The following LMX1A variants were observed in gnomAD, a reference collection of about 807,000 sequenced individuals.
LMX1A encodes LIM homeobox transcription factor 1 alpha.
A neutral mutation model predicts 49.1 loss-of-function variants in LMX1A; 15 were observed. The observed-to-expected ratio is 0.31, with a 90% CI of 0.20 to 0.47. The LOEUF (loss-of-function observed/expected upper bound fraction) is 0.47. Among genes scored for constraint, LMX1A ranks in the 20% least tolerant of loss-of-function variants. LMX1A has a pLI of 1.00. For synonymous variants in LMX1A, 167 were observed against 185.7 expected (o/e 0.90, Z 0.82); for missense variants, 372 against 475.8 (o/e 0.78, Z 2.03).
At chr1:165,334,872 C>CTATAGCCCAACGCAGT (rs550963087) in intron 3 of LMX1A, among the ~76,000 whole-genome samples, 4,165 of 152,240 alleles carry the variant, frequency 0.027, 79 homozygotes, top group Middle Eastern at 0.044. Flanking sequence ...TGCCTGGGAG[C>CTATAGCCCAACGCAGT]TATAGCCCAA....
chr1:165,295,832 C>T (rs567038145), intron 3 of LMX1A, among the ~76,000 whole-genome samples: 6 of 152,206 alleles, frequency 3.9e-5, no homozygotes, highest in East Asian at 1.9e-4. Context: ...GGAAAAGAAC[C>T]GGGATAAACA....
chr1:165,221,534 G>A (rs983146297), intron 4 of LMX1A, among the ~76,000 whole-genome samples: 2 of 152,138 alleles, frequency 1.3e-5, no homozygotes, highest in Non-Finnish European at 2.9e-5. Context: ...CAGGCCGTAG[G>A]TAAAGTGTCC....
intron 4 of LMX1A, among the ~76,000 whole-genome samples, chr1:165,214,179 G>A (rs1007723298): frequency 6.6e-6 from 1 of 152,150 alleles, no homozygotes; most frequent in Non-Finnish European, 1.5e-5. Flanking sequence ...TCATGGGGGC[G>A]GTTTCCCCCA....
At chr1:165,299,452 T>G (rs915280669) in intron 3 of LMX1A, among the ~76,000 whole-genome samples, 19 of 152,170 alleles carry the variant, frequency 1.2e-4, no homozygotes, top group African/African-American at 4.6e-4. Flanking sequence ...CTTAATACCA[T>G]AGGACGGAAG....
chr1:165,292,152 C>G (rs1460767772), intron 3 of LMX1A, among the ~76,000 whole-genome samples: 1 of 149,742 alleles, frequency 6.7e-6, no homozygotes, highest in African/African-American at 2.4e-5. Flanking sequence ...GGCAGTCTAA[C>G]TTACTTCTGG....
chr1:165,226,379 G>A (rs1652036464), intron 4 of LMX1A, among the ~76,000 whole-genome samples: 1 of 152,158 alleles, frequency 6.6e-6, no homozygotes, highest in African/African-American at 2.4e-5. Context: ...CCTTCTGTTT[G>A]CAAGACTGGT....
At chr1:165,335,969 A>G (rs924211398) in intron 3 of LMX1A, among the ~76,000 whole-genome samples, 2 of 152,156 alleles carry the variant, frequency 1.3e-5, no homozygotes, top group African/African-American at 4.8e-5. Flanking sequence ...AAAATTGCCC[A>G]CGTGAGCCTA....
chr1:165,347,628 T>C (rs1034000481), intron 3 of LMX1A, among the ~76,000 whole-genome samples: 4 of 152,246 alleles, frequency 2.6e-5, no homozygotes, highest in Non-Finnish European at 5.9e-5. Context: ...AGAAATTATT[T>C]TTAAATCTTT....
At chr1:165,321,699 C>T (rs1302258829) in intron 3 of LMX1A, among the ~76,000 whole-genome samples, 1 of 152,076 alleles carries the variant, frequency 6.6e-6, no homozygotes, top group African/African-American at 2.4e-5. Context: ...TATGACTTGG[C>T]AATGGCTTCT....
chr1:165,324,400 T>A (rs1655510129), intron 3 of LMX1A, among the ~76,000 whole-genome samples: 1 of 152,160 alleles, frequency 6.6e-6, no homozygotes, highest in Non-Finnish European at 1.5e-5. Context: ...CAGGAGAGCC[T>A]TTGAGTGTCC....
intron 3 of LMX1A, among the ~76,000 whole-genome samples, chr1:165,268,569 G>A (rs1653695530): frequency 1.3e-5 from 2 of 152,218 alleles, no homozygotes; most frequent in South Asian, 2.1e-4. Context: ...GTGGAGGTAT[G>A]TTTAAAATAC....
chr1:165,286,128 CTG>C (rs1455638629), intron 3 of LMX1A, among the ~76,000 whole-genome samples: 1 of 152,198 alleles, frequency 6.6e-6, no homozygotes, highest in African/African-American at 2.4e-5. Context: ...TTCACAATCT[CTG>C]TGTGAATGAA....
At chr1:165,211,949 C>T (rs1231448788) in intron 5 of LMX1A, among the ~76,000 whole-genome samples, 1 of 152,130 alleles carries the variant, frequency 6.6e-6, no homozygotes, top group Non-Finnish European at 1.5e-5. Flanking sequence ...TGCCCGGGGA[C>T]AAGCACCCAG....
chr1:165,294,605 T>C (rs970773210), intron 3 of LMX1A, among the ~76,000 whole-genome samples: 1 of 152,256 alleles, frequency 6.6e-6, no homozygotes, highest in Non-Finnish European at 1.5e-5. Context: ...AGTTTGTTTA[T>C]TTTTGACCCT....
intron 3 of LMX1A, among the ~76,000 whole-genome samples, chr1:165,330,812 A>G (rs1655724757): frequency 1.3e-5 from 2 of 152,184 alleles, no homozygotes; most frequent in Admixed American, 1.3e-4. Flanking sequence ...ATAAACCTGG[A>G]AAGACACAGA....
At chr1:165,243,378 G>A (rs971742309) in intron 4 of LMX1A, among the ~76,000 whole-genome samples, 11 of 152,114 alleles carry the variant, frequency 7.2e-5, no homozygotes, top group Non-Finnish European at 1.6e-4. Context: ...CCGCCCCCAG[G>A]TCAAAAAAGC....
At chr1:165,326,367 G>T (rs1327336262) in intron 3 of LMX1A, among the ~76,000 whole-genome samples, 1 of 152,172 alleles carries the variant, frequency 6.6e-6, no homozygotes, top group Non-Finnish European at 1.5e-5. Flanking sequence ...TCAAATCAGG[G>T]TAATATTAAC....
intron 4 of LMX1A, among the ~76,000 whole-genome samples, chr1:165,231,766 C>G (rs1247490950): frequency 7.2e-6 from 1 of 138,322 alleles, no homozygotes; most frequent in East Asian, 2.3e-4. Context: ...TTTAACAGAC[C>G]TTTATTTTTA....
intron 7 of LMX1A, among the ~76,000 whole-genome samples, chr1:165,206,942 A>G (rs777877717): frequency 6.6e-6 from 1 of 152,220 alleles, no homozygotes; most frequent in Non-Finnish European, 1.5e-5. Flanking sequence ...GATTAAGCCT[A>G]GACCCAGTGT....
Sources: allele counts gnomAD v4.1 joint callset (sites outside exome capture counted in the v4.1 genomes callset), GRCh38; gene constraint gnomAD v4.1.1; transcripts MANE v1.5; gene names NCBI Gene and HGNC (gene_info 2026-07-23, HGNC 2026-07-21).